The following CAMTA1 variants were observed in gnomAD, a reference collection of about 807,000 sequenced individuals.
CAMTA1 encodes calmodulin-binding transcription activator 1.
Under a neutral mutation model 170.9 loss-of-function variants are expected in CAMTA1, and 27 were observed. That is an observed-to-expected ratio of 0.16 (90% CI 0.12 to 0.22). The LOEUF is 0.22. CAMTA1 is among the 10% of genes least tolerant of loss of function. The pLI, the probability that CAMTA1 is intolerant of heterozygous loss-of-function variation, is 1.00. For missense variants in CAMTA1, 1,619 were observed against 2,217.2 expected (o/e 0.73, Z 5.42); for synonymous variants, 833 against 891.5 (o/e 0.93, Z 1.17).
At chr1:7,606,517 T>TA (rs1388450918) in intron 6 of CAMTA1, among the ~76,000 whole-genome samples, 1 of 152,194 alleles carries the variant, frequency 6.6e-6, no homozygotes, top group Non-Finnish European at 1.5e-5. Context: ...CTTGAACAAT[T>TA]ACCGCCAGCA....
intron 5 of CAMTA1, among the ~76,000 whole-genome samples, chr1:7,313,781 T>C (rs890981565): frequency 2.0e-5 from 3 of 152,108 alleles, no homozygotes; most frequent in African/African-American, 7.2e-5. Flanking sequence ...CCTGATTTAC[T>C]AGGAAAGAAG....
intron 3 of CAMTA1, among the ~76,000 whole-genome samples, chr1:6,972,594 G>A: frequency 6.6e-6 from 1 of 152,248 alleles, no homozygotes; most frequent in African/African-American, 2.4e-5. Context: ...CAGGAGAATG[G>A]TGTTGAGGCA....
Position 7,300,819 on chromosome 1 carries a change from A to C in CAMTA1, c.438+51193A>C, listed in dbSNP as rs1674644167. Among the ~76,000 whole-genome samples, 1 of 152,228 alleles carries C rather than the reference A, an allele frequency of 6.6e-6. No homozygotes were observed. On this transcript the variant is annotated intron_variant, in intron 5 of 22. Transcript: ENST00000303635. The surrounding 1 kb of genome is among the most constrained non-coding windows in gnomAD (Gnocchi z 4.1). Reference sequence around the variant, plus strand: ...CCTGGTTTAAAGTGATTCCAGAGCAACTTTATTTCCATAGTCTGTGTTGCA... The same window carrying C: ...CCTGGTTTAAAGTGATTCCAGAGCACCTTTATTTCCATAGTCTGTGTTGCA...
At chr1:6,796,918 G>A (rs941946627) in intron 1 of CAMTA1, among the ~76,000 whole-genome samples, 1 of 152,194 alleles carries the variant, frequency 6.6e-6, no homozygotes, top group Non-Finnish European at 1.5e-5. Flanking sequence ...TTTCGTGGGG[G>A]ATTTGCTGAC....
intron 5 of CAMTA1, among the ~76,000 whole-genome samples, chr1:7,405,205 G>C (rs967226286): frequency 1.3e-5 from 2 of 152,044 alleles, no homozygotes; most frequent in Non-Finnish European, 2.9e-5. Flanking sequence ...AATGGAGTCA[G>C]ATATCCCGGT....
intron 3 of CAMTA1, chr1:6,888,157 C>A: frequency 1.0e-6 from 1 of 981,644 alleles, no homozygotes; most frequent in Non-Finnish European, 1.2e-6. Flanking sequence ...GTGCATAGGA[C>A]AGTGCTGACA....
chr1:6,832,218 G>T (rs968851297), intron 3 of CAMTA1, among the ~76,000 whole-genome samples: 10 of 151,764 alleles, frequency 6.6e-5, no homozygotes, highest in African/African-American at 2.4e-4. Flanking sequence ...GAAGTAGCTG[G>T]GATTATAGGT....
chr1:7,144,254 T>TGTGTGTGTTTGTGTGTATGA lies in CAMTA1; in HGVS notation c.302+52911_302+52930dup, dbSNP rs1386118846. On this transcript the variant is annotated intron_variant, in intron 4 of 22. Transcript: ENST00000303635. The surrounding 1 kb of genome is among the most constrained non-coding windows in gnomAD (Gnocchi z 4.0). ...TTTTCTAAGTGTGTGTGTGTGTGTA[T>TGTGTGTGTTTGTGTGTATGA]GTGTGTGTTTGTGTGTATGAGTGTG... Among the ~76,000 whole-genome samples, 18 of 151,610 alleles carry TGTGTGTGTTTGTGTGTATGA rather than the reference T, an allele frequency of 1.2e-4. No individual in the cohort carries two copies. Among genetic ancestry groups the TGTGTGTGTTTGTGTGTATGA allele is most frequent in the African/African-American group, 4.2e-4 (17 of 40,926 alleles).
In CAMTA1 at chr1:7,063,178, C is replaced by T. The variant is rs1310509085; in HGVS notation, c.235-28126C>T. Among the ~76,000 whole-genome samples the T allele has an allele frequency of 1.3e-5, 2 of 152,188 alleles. No homozygotes were observed. Among genetic ancestry groups the T allele is most frequent in the Non-Finnish European group, 2.9e-5 (2 of 68,046 alleles). ...CCAGCATCTCTGGCAGGATGCTGAT[C>T]GGATAACCAGTGCCCGAAAAAATGT... is the stretch of plus-strand genomic sequence containing the variant. On this transcript the variant is annotated intron_variant, in intron 3 of 22. Transcript: ENST00000303635. This position sits in a 1 kb window ranked among gnomAD's most constrained non-coding sequence, Gnocchi z 4.3.
At chr1:7,311,075 A>T (rs1381437636) in intron 5 of CAMTA1, among the ~76,000 whole-genome samples, 4 of 152,134 alleles carry the variant, frequency 2.6e-5, no homozygotes, top group Non-Finnish European at 5.9e-5. Context: ...TTTGATTCTG[A>T]TGTATCTGAT....
At chr1:6,819,284 G>A (rs1646207063) in intron 1 of CAMTA1, among the ~76,000 whole-genome samples, 1 of 149,954 alleles carries the variant, frequency 6.7e-6, no homozygotes, top group South Asian at 2.1e-4. Flanking sequence ...ATAATTGGCC[G>A]TCAATATTCA....
At chr1:7,370,931 A>ATTTTTTTTTT (rs2086402729) in intron 5 of CAMTA1, among the ~76,000 whole-genome samples, 21 of 113,554 alleles carry the variant, frequency 1.8e-4, no homozygotes, top group East Asian at 3.3e-4. Context: ...TTTTTTTTTG[A>ATTTTTTTTTT]GACGGAGTCT....
intron 3 of CAMTA1, among the ~76,000 whole-genome samples, chr1:7,027,554 C>T (rs1051059287): frequency 6.6e-6 from 1 of 152,188 alleles, no homozygotes. Context: ...TTTTTGGTGG[C>T]AGATGCGGTG....
At position 7,603,038 on chromosome 1, in the gene CAMTA1, G is replaced by T. The variant is rs529324519; in HGVS notation, c.511-37362G>T. 3.9e-5 allele frequency among the ~76,000 whole-genome samples: 6 copies of T among 152,272 alleles called. No homozygotes were observed. In the South Asian group the frequency reaches 1.2e-3, roughly 32 times the overall value. The stretch of plus-strand genomic sequence containing the variant: ...TGAGTTCTAGTTTGATTGCACTGTG[G>T]TCTGAGAGACAGCTTGTTATAATTT... On this transcript the variant is annotated intron_variant, in intron 6 of 22. Transcript: ENST00000303635.
intron 10 of CAMTA1, among the ~76,000 whole-genome samples, chr1:7,675,248 G>A (rs2096105345): frequency 6.6e-6 from 1 of 152,224 alleles, no homozygotes. Flanking sequence ...GGCACTGGCT[G>A]CAGGATAGTG....
At chr1:7,739,207 G>A (rs1422141755) in intron 16 of CAMTA1, among the ~76,000 whole-genome samples, 1 of 146,214 alleles carries the variant, frequency 6.8e-6, no homozygotes, top group Admixed American at 6.8e-5. Context: ...TAAAACAAAC[G>A]TAAAAGGGAA....
At position 7,409,332 on chromosome 1, in the gene CAMTA1, G is replaced by A. The variant is rs1039787175; in HGVS notation, c.439-58498G>A. 3.9e-5 allele frequency among the ~76,000 whole-genome samples: 6 copies of A among 152,316 alleles called. No individual in the cohort carries two copies. The South Asian group carries it at 6.2e-4, about 16-fold the overall frequency. On this transcript the variant is annotated intron_variant, in intron 5 of 22. Transcript: ENST00000303635. The stretch of plus-strand genomic sequence containing the variant: ...AGCCCACTGTCAGCCCAAGATGTCC[G>A]GAGACCCCTGGCCTCCATCAGAGCT...
intron 6 of CAMTA1, among the ~76,000 whole-genome samples, chr1:7,510,962 G>A (rs2094194439): frequency 6.9e-6 from 1 of 144,826 alleles, no homozygotes; most frequent in Non-Finnish European, 1.5e-5. Flanking sequence ...CCACTCTAAA[G>A]CCACCTTTTC....
chr1:7,065,522 G>A lies in CAMTA1; in HGVS notation c.235-25782G>A, dbSNP rs4553221. Among the ~76,000 whole-genome samples the A allele has an allele frequency of 0.2, 31,017 of 152,062 alleles. 3,364 individuals carry two copies. The highest frequency in any genetic ancestry group is 0.23 in the African/African-American group (9,380 of 41,476). ...TGGGCAACTATGCAGAAGAAAGCCC[G>A]CTTTAGGAGTGAGGTCCTGGAGGAG... On this transcript the variant is annotated intron_variant, in intron 3 of 22. Coordinates refer to ENST00000303635, the MANE Select transcript of CAMTA1 (RefSeq NM_015215.4). This position sits in a 1 kb window ranked among gnomAD's most constrained non-coding sequence, Gnocchi z 5.2.
Sources: gnomAD v4.1 joint callset for allele counts (sites outside exome capture counted in the v4.1 genomes callset) on GRCh38, gnomAD v4.1.1 for gene constraint, Gnocchi (gnomAD v3.1) non-coding constraint, MANE v1.5 for transcripts, NCBI Gene and HGNC (gene_info 2026-07-23, HGNC 2026-07-21) for gene names.